The following FLYWCH1 variants were observed in gnomAD, a reference collection of about 807,000 sequenced individuals.
The protein encoded by FLYWCH1 is FLYWCH-type zinc finger 1, also known as FLYWCH-type zinc finger-containing protein 1.
A neutral mutation model predicts 66.4 loss-of-function variants in FLYWCH1; 75 were observed. The observed-to-expected ratio is 1.13, with a 90% confidence interval of 0.94 to 1.37. The LOEUF (loss-of-function observed/expected upper bound fraction) is 1.37. Ranked by LOEUF, FLYWCH1 falls within the 40% of genes most tolerant of loss-of-function variation. The pLI, the probability that FLYWCH1 is intolerant of heterozygous loss-of-function variation, is 0.00. For missense variants in FLYWCH1, 1,334 were observed against 1,001.8 expected (o/e 1.33, Z -4.48); for synonymous variants, 595 against 429.9 (o/e 1.38, Z -4.75).
chr16:2,943,309 G>T (rs2071348497), intron 9 of FLYWCH1: 1 of 151,920 alleles, frequency 6.6e-6, no homozygotes, highest in South Asian at 2.1e-4. Context: ...CAGGGGAGGG[G>T]ACTCTGGGGG....
In FLYWCH1 at chr16:2,937,324, G is replaced by A. The variant is rs61747748; in HGVS notation, c.1717G>A (p.Gly573Ser). Residue 573 changes from glycine to serine, a missense_variant, in exon 7 of 10, where the codon GGC becomes AGC. Gly to Ser is a moderately conservative substitution (Grantham distance 56). Transcript: ENST00000253928. ...RRHCHPPDLG[G>S]LEALRQREHF... ...GCACTGCCACCCACCGGACCTGGGC[G>A]GCCTGGAGGCCCTGCGGCAGCGGGA... 3,603 of 1,600,438 alleles carry A rather than the reference G, an allele frequency of 2.3e-3. 30 individuals carry two copies. The African/African-American group carries it at 0.027, about 12-fold the overall frequency.
intron 4 of FLYWCH1, among the ~76,000 whole-genome samples, chr16:2,932,005 C>G (rs1231088307): frequency 6.6e-6 from 1 of 151,772 alleles, no homozygotes; most frequent in Non-Finnish European, 1.5e-5. Flanking sequence ...GTAGTCCCAG[C>G]TACTCGGGAG....
At position 2,930,673 on chromosome 16, in the gene FLYWCH1, G is replaced by A; in HGVS notation, c.589G>A (p.Glu197Lys). ...GAAACTGCCCAGCCTGGCCCTGCCA[G>A]AGGGCTTGGGAGAGCCCCAGGGTCC... is the stretch of plus-strand genomic sequence containing the variant. ...REKLPSLALP[E>K]GLGEPQGPEG... Residue 197 changes from glutamate (E) to lysine (K), a missense_variant, in exon 4 of 10, where the codon GAG (glutamate) becomes AAG (lysine). Glu to Lys is a moderately conservative substitution (Grantham distance 56, BLOSUM62 1). Transcript: ENST00000253928. 6.5e-7 allele frequency: 1 copy of A among 1,544,582 alleles called. No individual in the cohort carries two copies.
chr16:2,944,840 T>TAAAA (rs1452290817), intron 9 of FLYWCH1, among the ~76,000 whole-genome samples: 2 of 108,868 alleles, frequency 1.8e-5, no homozygotes, highest in African/African-American at 6.5e-5. Flanking sequence ...AAAAAAATTT[T>TAAAA]TTTTAACTGT....
At chr16:2,927,361 C>T (rs955357767) in intron 2 of FLYWCH1, among the ~76,000 whole-genome samples, 2 of 152,062 alleles carry the variant, frequency 1.3e-5, no homozygotes, top group Non-Finnish European at 2.9e-5. Context: ...GCAGGAGCAC[C>T]TGCGGTGGCT....
intron 9 of FLYWCH1, among the ~76,000 whole-genome samples, chr16:2,944,821 CAAAA>C (rs1009357096): frequency 8.6e-6 from 1 of 116,724 alleles, no homozygotes; most frequent in East Asian, 2.2e-4. Context: ...GACTCTGTAT[CAAAA>C]AAAAAAAAAA....
chr16:2,936,699 G>A (rs112361007), intron 6 of FLYWCH1: 32 of 465,968 alleles, frequency 6.9e-5, no homozygotes, highest in African/African-American at 2.8e-4. Context: ...CTCTACCTGC[G>A]CGGCTCTCGG....
intron 2 of FLYWCH1, chr16:2,922,536 G>A (rs1186679594): frequency 3.7e-6 from 1 of 270,016 alleles, no homozygotes; most frequent in African/African-American, 2.3e-5. Context: ...GACTGCCCTG[G>A]GGACCTCATA....
intron 9 of FLYWCH1, among the ~76,000 whole-genome samples, chr16:2,944,061 A>C (rs1425191735): frequency 6.6e-6 from 1 of 151,902 alleles, no homozygotes; most frequent in African/African-American, 2.4e-5. Context: ...ATGCATCTAC[A>C]CTCCAGCCCA....
At chr16:2,945,726 G>C (rs34541876) in intron 9 of FLYWCH1, among the ~76,000 whole-genome samples, 1 of 151,202 alleles carries the variant, frequency 6.6e-6, no homozygotes, top group Non-Finnish European at 1.5e-5. Context: ...GGCCGGGTGC[G>C]GTGGCTCATG....
intron 9 of FLYWCH1, among the ~76,000 whole-genome samples, chr16:2,947,792 G>A (rs1406517175): frequency 6.7e-6 from 1 of 149,282 alleles, no homozygotes; most frequent in Non-Finnish European, 1.5e-5. Flanking sequence ...ATCCCTTACA[G>A]TACTAAAACA....
chr16:2,920,774 C>T (rs1308890913), intron 2 of FLYWCH1, among the ~76,000 whole-genome samples: 1 of 150,336 alleles, frequency 6.7e-6, no homozygotes, highest in Non-Finnish European at 1.5e-5. Context: ...CTCCCCACCT[C>T]AGGTGATCTG....
intron 2 of FLYWCH1, among the ~76,000 whole-genome samples, chr16:2,927,760 C>T (rs567778778): frequency 2.0e-5 from 3 of 152,342 alleles, no homozygotes; most frequent in South Asian, 4.1e-4. Context: ...TGCCGCTCCA[C>T]ACCTATGGAT....
rs912207423 is a variant in FLYWCH1, at chr16:2,941,082, A to C, written c.2111+990A>C. On this transcript the variant is annotated intron_variant, in intron 9 of 9. Coordinates refer to ENST00000253928, the MANE Select transcript of FLYWCH1 (RefSeq NM_001308068.2). The stretch of plus-strand genomic sequence containing the variant: ...CCACTGCACTCCAGCCTAGGTGACA[A>C]ACAAAAACCAAATCAAAAACAGAGA... Among the ~76,000 whole-genome samples the C allele has an allele frequency of 5.9e-5, 9 of 151,744 alleles. 1 individual carries two copies. Among genetic ancestry groups the C allele is most frequent in the Non-Finnish European group, 1.2e-4 (8 of 67,924 alleles).
At position 2,946,793 on chromosome 16, in the gene FLYWCH1, C is replaced by G. The variant is rs182555578; in HGVS notation, c.2112-1895C>G. On this transcript the variant is annotated intron_variant, in intron 9 of 9. Transcript: ENST00000253928. ...GTCTCAGGGAAATGCAAATCAAGACCACTGTGACAGACCACTTCACACCCA... is the reference window on the plus strand; with the variant it reads ...GTCTCAGGGAAATGCAAATCAAGACGACTGTGACAGACCACTTCACACCCA... Among the ~76,000 whole-genome samples, 3 of 152,224 alleles carry G rather than the reference C, an allele frequency of 2.0e-5. No homozygotes were observed. In the East Asian group the frequency reaches 5.8e-4, roughly 29 times the overall value.
At chr16:2,917,271 C>G (rs1332315417) in intron 2 of FLYWCH1, among the ~76,000 whole-genome samples, 2 of 149,700 alleles carry the variant, frequency 1.3e-5, no homozygotes, top group Non-Finnish European at 3.0e-5. Context: ...CTCTTGTCAC[C>G]CAGGCTGGAG....
chr16:2,938,930 A>G (rs1281670680), intron 8 of FLYWCH1, among the ~76,000 whole-genome samples: 1 of 138,390 alleles, frequency 7.2e-6, no homozygotes, highest in African/African-American at 2.7e-5. Context: ...TTCTTGAGTC[A>G]GAGTTTTGCT....
At position 2,946,460 on chromosome 16, in the gene FLYWCH1, T is replaced by C. The variant is rs2071491440; in HGVS notation, c.2112-2228T>C. ...CCTCAGCCCCCTGAGTAGCTCGGAT[T>C]ACAGGCGTGTGTCACCACACCTGGC... On this transcript the variant is annotated intron_variant, in intron 9 of 9. Coordinates refer to ENST00000253928, the MANE Select transcript of FLYWCH1 (RefSeq NM_001308068.2). Among the ~76,000 whole-genome samples, 3 of 151,904 alleles carry C rather than the reference T, an allele frequency of 2.0e-5. No individual in the cohort carries two copies. The South Asian group carries it at 6.3e-4, about 32-fold the overall frequency.
intron 9 of FLYWCH1, among the ~76,000 whole-genome samples, chr16:2,942,648 C>CTA (rs2071315696): frequency 6.8e-6 from 1 of 146,862 alleles, no homozygotes; most frequent in Non-Finnish European, 1.5e-5. Context: ...ATTAATGTAA[C>CTA]ACAGCAGGCC....
Sources: gnomAD v4.1 joint callset for allele counts (sites outside exome capture counted in the v4.1 genomes callset) on GRCh38, gnomAD v4.1.1 for gene constraint, MANE v1.5 for transcripts, NCBI Gene and HGNC (gene_info 2026-07-23, HGNC 2026-07-21) for gene names.